Variants in ZDHHC21 observed in about 807,000 individuals in gnomAD.
ZDHHC21 encodes the protein palmitoyltransferase ZDHHC21.
In ZDHHC21, 15 loss-of-function variants were observed where a neutral mutation model predicts 34.6. The observed-to-expected ratio is 0.43, with a 90% CI of 0.29 to 0.67. The LOEUF (loss-of-function observed/expected upper bound fraction) is 0.67. Among genes scored for constraint, ZDHHC21 ranks in the 30% least tolerant of loss-of-function variants. The probability of loss-of-function intolerance (pLI) is 0.14; values close to 1 mark genes in which losing one functional copy is unlikely to be tolerated. For synonymous variants in ZDHHC21, 142 were observed against 101.8 expected (o/e 1.40, Z -2.38); for missense variants, 344 against 327.7 (o/e 1.05, Z -0.38).
chr9:14,640,094 C>A (rs28533630), intron 7 of ZDHHC21, 82 bp from the exon 8 acceptor site: 1 of 671,524 alleles, frequency 1.5e-6, no homozygotes, highest in African/African-American at 1.8e-5. Context: ...AGAATTGAGC[C>A]ATAACACATC....
intron 8 of ZDHHC21, among the ~76,000 whole-genome samples, chr9:14,634,527 C>T (rs750245321): frequency 2.0e-5 from 3 of 152,172 alleles, no homozygotes; most frequent in Non-Finnish European, 4.4e-5. Flanking sequence ...AGCAAAATTT[C>T]ACCACAACAT....
intron 3 of ZDHHC21, among the ~76,000 whole-genome samples, chr9:14,677,087 C>T (rs1836537446): frequency 6.6e-6 from 1 of 151,894 alleles, no homozygotes; most frequent in Admixed American, 6.6e-5. Context: ...TACTAGAGAA[C>T]AAATTTTTCT....
chr9:14,601,229 GA>G, the ZDHHC21 span, among the ~76,000 whole-genome samples: 1 of 152,106 alleles, frequency 6.6e-6, no homozygotes, highest in Non-Finnish European at 1.5e-5. Flanking sequence ...CAGAATGGGA[GA>G]AATTTTTTGC....
intron 2 of ZDHHC21, among the ~76,000 whole-genome samples, chr9:14,686,369 A>C (rs1838323050): frequency 6.6e-6 from 1 of 152,182 alleles, no homozygotes; most frequent in South Asian, 2.1e-4. Context: ...CTCTAGGTGA[A>C]GGGTGGAACC....
chr9:14,607,407 A>C (rs1294767092), downstream of ZDHHC21, among the ~76,000 whole-genome samples: 1 of 152,172 alleles, frequency 6.6e-6, no homozygotes, highest in Non-Finnish European at 1.5e-5. Context: ...CTGTATCCAA[A>C]AAAAAAGTTA....
chr9:14,589,853 G>C, the ZDHHC21 span: 1 of 152,158 alleles, frequency 6.6e-6, no homozygotes. Flanking sequence ...TACTTTTAAA[G>C]GCAAGTGCAA....
chr9:14,662,133 T>G (rs1160112675), intron 6 of ZDHHC21, 82 bp downstream of exon 6: 1 of 862,804 alleles, frequency 1.2e-6, no homozygotes, highest in East Asian at 2.7e-5. Context: ...TTAACATAAC[T>G]GTTGTTTAAA....
intron 8 of ZDHHC21, among the ~76,000 whole-genome samples, chr9:14,633,276 G>A (rs953629759): frequency 6.6e-6 from 1 of 152,184 alleles, no homozygotes; most frequent in Non-Finnish European, 1.5e-5. Context: ...TGACAGGAAA[G>A]CAAGGCAGCC....
intron 2 of ZDHHC21, among the ~76,000 whole-genome samples, chr9:14,686,490 A>G (rs1019761779): frequency 6.6e-6 from 1 of 152,202 alleles, no homozygotes; most frequent in African/African-American, 2.4e-5. Flanking sequence ...CATCAAAATT[A>G]TTACATTTCT....
At chr9:14,664,251 C>CG (rs1254694407) in intron 5 of ZDHHC21, among the ~76,000 whole-genome samples, 5 of 152,090 alleles carry the variant, frequency 3.3e-5, no homozygotes, top group Non-Finnish European at 5.9e-5. Flanking sequence ...GGGTGACGGA[C>CG]GCACCTGGAA....
At chr9:14,669,457 G>C (rs1835066122) in intron 5 of ZDHHC21, among the ~76,000 whole-genome samples, 2 of 149,332 alleles carry the variant, frequency 1.3e-5, no homozygotes. Context: ...ATTCCTCAGG[G>C]ATCTAGAACT....
At chr9:14,634,129 G>C (rs7044925) in intron 8 of ZDHHC21, among the ~76,000 whole-genome samples, 1 of 152,034 alleles carries the variant, frequency 6.6e-6, no homozygotes, top group South Asian at 2.1e-4. Flanking sequence ...CTCCTCTCAG[G>C]GGCCAGAGGT....
chr9:14,684,002 C>A (rs143828401), intron 2 of ZDHHC21, among the ~76,000 whole-genome samples: 5,066 of 152,234 alleles, frequency 0.033, 293 homozygotes, highest in African/African-American at 0.12. Flanking sequence ...AATTCAACAG[C>A]CCTTCATGCT....
chr9:14,639,822 A>G (rs759967440), intron 8 of ZDHHC21, 74 bp downstream of exon 8: 64 of 862,506 alleles, frequency 7.4e-5, no homozygotes, highest in Non-Finnish European at 9.1e-5. Flanking sequence ...TAAACTTCCT[A>G]TAACTTTTGA....
chr9:14,658,027 G>A (rs1304813035), intron 7 of ZDHHC21, among the ~76,000 whole-genome samples: 1 of 152,016 alleles, frequency 6.6e-6, no homozygotes, highest in Non-Finnish European at 1.5e-5. Context: ...AAAGCATCCT[G>A]CAAATTCATG....
At chr9:14,685,963 C>G (rs1361272504) in intron 2 of ZDHHC21, among the ~76,000 whole-genome samples, 1 of 151,864 alleles carries the variant, frequency 6.6e-6, no homozygotes, top group Admixed American at 6.6e-5. Flanking sequence ...GGACAGAAAA[C>G]CAAACACCAC....
intron 8 of ZDHHC21, among the ~76,000 whole-genome samples, chr9:14,630,825 T>C (rs1264759228): frequency 1.3e-5 from 2 of 152,232 alleles, no homozygotes; most frequent in African/African-American, 2.4e-5. Context: ...AAGGAACTTT[T>C]TTTCCTGAGC....
At chr9:14,604,327 C>T in the ZDHHC21 span, among the ~76,000 whole-genome samples, 3 of 152,010 alleles carry the variant, frequency 2.0e-5, no homozygotes, top group Non-Finnish European at 4.4e-5. Flanking sequence ...AATAATTGTT[C>T]TGTGGGATTT....
In ZDHHC21 at chr9:14,674,274, C is replaced by G. The variant is rs780790828; in HGVS notation, c.67G>C (p.Val23Leu). 1.3e-6 allele frequency: 2 copies of G among 1,597,846 alleles called. No homozygotes were observed. Among genetic ancestry groups the G allele is most frequent in the South Asian group, 2.3e-5 (2 of 87,460 alleles). Residue 23 changes from valine to leucine, a missense_variant, in exon 4 of 10, where the codon GTT (valine) becomes CTT (leucine). Val to Leu is a conservative substitution (Grantham distance 32). Coordinates refer to ENST00000380916, the MANE Select transcript of ZDHHC21 (RefSeq NM_178566.6). Reference protein sequence around the residue: ...GWCCMGLIVFVWLYNIVLIPK... With the variant: ...GWCCMGLIVFLWLYNIVLIPK... Reference sequence around the variant, plus strand: ...ATTAAAACAATATTGTATAACCAAACAAAGACAATCAAACCCATGCAGCAC... The same window carrying G: ...ATTAAAACAATATTGTATAACCAAAGAAAGACAATCAAACCCATGCAGCAC...
Sources: gnomAD v4.1 joint callset for allele counts (sites outside exome capture counted in the v4.1 genomes callset) on GRCh38, gnomAD v4.1.1 for gene constraint, MANE v1.5 for transcripts, NCBI Gene and HGNC (gene_info 2026-07-23, HGNC 2026-07-21) for gene names.